Variants in CCDC178 observed in about 807,000 individuals in gnomAD.
CCDC178 encodes coiled-coil domain-containing protein 178.
A neutral mutation model predicts 117.4 loss-of-function variants in CCDC178; 126 were observed. The observed-to-expected ratio is 1.07, with a 90% CI of 0.93 to 1.24. The LOEUF (loss-of-function observed/expected upper bound fraction) is 1.24, where lower values mean the gene tolerates loss of function less well. Ranked by LOEUF, CCDC178 falls within the 50% of genes most tolerant of loss-of-function variation. The probability of loss-of-function intolerance (pLI) is 0.00; values close to 1 mark genes in which losing one functional copy is unlikely to be tolerated. For synonymous variants in CCDC178, 283 were observed against 313.4 expected (o/e 0.90, Z 1.02); for missense variants, 1,030 against 986.9 (o/e 1.04, Z -0.59).
At chr18:33,023,949 A>C (rs2056173229) in intron 21 of CCDC178, among the ~76,000 whole-genome samples, 2 of 152,162 alleles carry the variant, frequency 1.3e-5, no homozygotes, top group Non-Finnish European at 2.9e-5. Context: ...AAGAATGACA[A>C]AGAAATACTA....
At chr18:33,002,938 A>T (rs992101782) in intron 21 of CCDC178, among the ~76,000 whole-genome samples, 12 of 152,178 alleles carry the variant, frequency 7.9e-5, no homozygotes, top group Non-Finnish European at 1.6e-4. Flanking sequence ...AGAAATGGAT[A>T]AATTCCTAGA....
intron 21 of CCDC178, among the ~76,000 whole-genome samples, chr18:32,979,357 C>T (rs1389596844): frequency 1.3e-5 from 2 of 152,004 alleles, no homozygotes; most frequent in Non-Finnish European, 2.9e-5. Context: ...CAGGGTTTCG[C>T]CATGTTGGGC....
At chr18:33,293,099 T>G (rs1234905573) in intron 12 of CCDC178, 60 bp downstream of exon 12, 13 of 1,194,084 alleles carry the variant, frequency 1.1e-5, no homozygotes, top group Non-Finnish European at 1.3e-5. Context: ...ACAAAAAAGT[T>G]TACTATTTAT....
chr18:33,157,877 G>A (rs572093342), intron 20 of CCDC178, among the ~76,000 whole-genome samples: 1 of 152,094 alleles, frequency 6.6e-6, no homozygotes, highest in African/African-American at 2.4e-5. Context: ...GCTAACACTT[G>A]TCATGCATCT....
At chr18:33,201,663 T>C (rs964313445) in intron 20 of CCDC178, among the ~76,000 whole-genome samples, 2 of 151,708 alleles carry the variant, frequency 1.3e-5, no homozygotes, top group South Asian at 2.1e-4. Context: ...AAGCCGTGGG[T>C]TGTATTAAGG....
At chr18:33,058,234 T>C (rs1439715860) in intron 21 of CCDC178, among the ~76,000 whole-genome samples, 1 of 152,010 alleles carries the variant, frequency 6.6e-6, no homozygotes, top group East Asian at 1.9e-4. Flanking sequence ...AGTCAAAAAA[T>C]GGAAACAACA....
chr18:33,184,800 A>T (rs1456225401), intron 20 of CCDC178, among the ~76,000 whole-genome samples: 1 of 152,084 alleles, frequency 6.6e-6, no homozygotes, highest in East Asian at 1.9e-4. Flanking sequence ...AAATGTGTGC[A>T]GTTATTAACA....
intron 14 of CCDC178, among the ~76,000 whole-genome samples, chr18:33,264,731 A>AC: frequency 6.6e-6 from 1 of 152,148 alleles, no homozygotes; most frequent in East Asian, 1.9e-4. Context: ...AGACTTGGCC[A>AC]TGTGACTTGC....
At chr18:33,113,245 G>A (rs1417168117) in intron 20 of CCDC178, among the ~76,000 whole-genome samples, 1 of 151,856 alleles carries the variant, frequency 6.6e-6, no homozygotes, top group African/African-American at 2.4e-5. Flanking sequence ...TTAAATTATT[G>A]ACTGAAAATT....
chr18:33,318,502 A>G (rs1599153509), intron 11 of CCDC178, among the ~76,000 whole-genome samples: 1 of 152,338 alleles, frequency 6.6e-6, no homozygotes, highest in African/African-American at 2.4e-5. Context: ...AGGCTTGAAA[A>G]CAGAAAATGT....
chr18:33,077,669 A>G (rs1288913032), intron 21 of CCDC178, among the ~76,000 whole-genome samples: 1 of 152,190 alleles, frequency 6.6e-6, no homozygotes, highest in Non-Finnish European at 1.5e-5. Context: ...CACACAAACT[A>G]GAAAACCTAG....
chr18:33,295,627 C>A (rs1599120469), intron 11 of CCDC178, among the ~76,000 whole-genome samples: 1 of 152,058 alleles, frequency 6.6e-6, no homozygotes, highest in East Asian at 1.9e-4. Flanking sequence ...GGGAAAATGG[C>A]AAAACATTTG....
intron 22 of CCDC178, among the ~76,000 whole-genome samples, chr18:32,948,142 A>G (rs188858851): frequency 7.6e-4 from 115 of 152,190 alleles, no homozygotes; most frequent in Admixed American, 2.0e-3. Flanking sequence ...AAGTCATTTA[A>G]CTTTGTACTT....
intron 21 of CCDC178, among the ~76,000 whole-genome samples, chr18:32,998,263 T>C (rs1420950172): frequency 2.0e-5 from 3 of 152,174 alleles, no homozygotes; most frequent in Non-Finnish European, 4.4e-5. Flanking sequence ...TGGACACTCA[T>C]GGAGGGAGCA....
intron 2 of CCDC178, among the ~76,000 whole-genome samples, chr18:33,415,602 C>G (rs1347885957): frequency 1.3e-5 from 2 of 151,880 alleles, no homozygotes; most frequent in African/African-American, 2.4e-5. Flanking sequence ...ATGTAAATGA[C>G]GAGTTAACGG....
chr18:33,375,097 A>G (rs979014383), intron 5 of CCDC178, among the ~76,000 whole-genome samples: 3 of 152,166 alleles, frequency 2.0e-5, no homozygotes, highest in Non-Finnish European at 4.4e-5. Flanking sequence ...AGTGGATTGT[A>G]TTGCATTTAA....
chr18:33,391,886 G>A (rs1180160702), intron 4 of CCDC178, among the ~76,000 whole-genome samples: 2 of 150,970 alleles, frequency 1.3e-5, no homozygotes, highest in East Asian at 1.9e-4. Flanking sequence ...TTTTTCTGAG[G>A]TGGAGTCTTA....
chr18:33,053,580 T>A (rs1000823708), intron 21 of CCDC178, among the ~76,000 whole-genome samples: 4 of 152,174 alleles, frequency 2.6e-5, no homozygotes, highest in African/African-American at 4.8e-5. Context: ...TAATTCAACA[T>A]TGTAAATTCA....
rs554559662 is a variant in CCDC178 at position 33,007,222 on chromosome 18, G to A, written c.2389-32541C>T. 5.9e-5 allele frequency among the ~76,000 whole-genome samples: 9 copies of A among 151,964 alleles called. No homozygotes were observed. In the South Asian group the frequency reaches 1.2e-3, roughly 21 times the overall value. On this transcript the variant is annotated intron_variant, in intron 21 of 22. Transcript: ENST00000383096. Reference sequence around the variant, plus strand: ...ATAAAGGATTTTTATCATTTTCTACGCAACAACAAGGCCTGTGATCATCCC... The same window carrying A: ...ATAAAGGATTTTTATCATTTTCTACACAACAACAAGGCCTGTGATCATCCC...
Sources: gnomAD v4.1 joint callset for allele counts (sites outside exome capture counted in the v4.1 genomes callset) on GRCh38, gnomAD v4.1.1 for gene constraint, MANE v1.5 for transcripts, NCBI Gene and HGNC (gene_info 2026-07-23, HGNC 2026-07-21) for gene names.